CHAT: variants seen among roughly 807,000 people sequenced by gnomAD.
The protein encoded by CHAT is acetyl CoA:choline O-acetyltransferase.
A neutral mutation model predicts 76.9 loss-of-function variants in CHAT; 61 were observed. That is an observed-to-expected ratio of 0.79 (90% CI 0.65 to 0.98). The LOEUF is 0.98. CHAT is among the 50% of genes least tolerant of loss of function. CHAT has a pLI of 0.00. For missense variants in CHAT, 946 were observed against 986.9 expected (o/e 0.96, Z 0.56); for synonymous variants, 407 against 397.4 (o/e 1.02, Z -0.29).
At chr10:49,619,312 T>C (rs1023074431) in intron 2 of CHAT, among the ~76,000 whole-genome samples, 2 of 152,228 alleles carry the variant, frequency 1.3e-5, no homozygotes, top group African/African-American at 4.8e-5. Flanking sequence ...CCATCCTTTA[T>C]GGCTTAAAAG....
chr10:49,655,236 A>T lies in CHAT; in HGVS notation c.1776A>T (p.Pro592=). The change falls in exon 12 of 15, where the codon CCA becomes CCT. Residue 592 remains proline (P), a splice_region_variant and synonymous_variant. Coordinates refer to ENST00000337653, the MANE Select transcript of CHAT (RefSeq NM_020549.5). ...TGACTGACCACAAGGCTGCTGTGCC[A>T]GTAAGTCCCGCCCCACCCCACGGCC... ...RAVTDHKAAV[P]ASEKLLLLKD... is the part of the protein sequence containing the mutation. 1 of 1,614,006 alleles carries T rather than the reference A, an allele frequency of 6.2e-7. No homozygotes were observed. The highest frequency in any genetic ancestry group is 8.5e-7 in the Non-Finnish European group (1 of 1,180,036).
intron 7 of CHAT, among the ~76,000 whole-genome samples, chr10:49,634,919 G>A (rs977290117): frequency 6.6e-6 from 1 of 152,156 alleles, no homozygotes; most frequent in Non-Finnish European, 1.5e-5. Context: ...ACATCCAGTT[G>A]TAAGAAGTAA....
At chr10:49,647,038 T>A (rs1564488247) in intron 8 of CHAT, 1 of 345,726 alleles carries the variant, frequency 2.9e-6, no homozygotes, top group African/African-American at 2.1e-5. Context: ...TAGGAGAGTA[T>A]AACAGCCCCA....
intron 6 of CHAT, among the ~76,000 whole-genome samples, chr10:49,626,821 A>G (rs1018210849): frequency 1.9e-4 from 29 of 152,242 alleles, no homozygotes; most frequent in African/African-American, 6.8e-4. Context: ...CACAAAGCCC[A>G]AGGCTCTAGC....
At chr10:49,659,881 A>C (rs1024065092) in intron 13 of CHAT, among the ~76,000 whole-genome samples, 4 of 152,134 alleles carry the variant, frequency 2.6e-5, no homozygotes, top group African/African-American at 9.7e-5. Flanking sequence ...TAAATAAATA[A>C]ATAAAATAGA....
chr10:49,642,331 A>G (rs1564485253), intron 7 of CHAT, among the ~76,000 whole-genome samples: 1 of 152,176 alleles, frequency 6.6e-6, no homozygotes, highest in Non-Finnish European at 1.5e-5. Context: ...CTGATCAGCT[A>G]CTTATATGCA....
intron 14 of CHAT, 73 bp downstream of exon 14, chr10:49,662,855 C>T: frequency 6.3e-7 from 1 of 1,585,230 alleles, no homozygotes; most frequent in Non-Finnish European, 8.7e-7. Flanking sequence ...GACAACAAGC[C>T]CACTAGCTGG....
At chr10:49,611,482 C>T, upstream of CHAT, 3 of 1,599,694 alleles carry the variant, frequency 1.9e-6, no homozygotes, top group Non-Finnish European at 2.5e-6. Context: ...CTTCTTGGTG[C>T]TAGCTGCCGT....
chr10:49,658,711 A>AAAAC (rs1289293113), intron 13 of CHAT, among the ~76,000 whole-genome samples: 5 of 152,244 alleles, frequency 3.3e-5, no homozygotes, highest in East Asian at 1.9e-4. Context: ...TCCTTCTCAA[A>AAAAC]AAACAAACAA....
chr10:49,665,789 C>T lies in CHAT; in HGVS notation c.*743C>T, dbSNP rs1453496770. 6.6e-6 allele frequency among the ~76,000 whole-genome samples: 1 copy of T among 152,118 alleles called. No homozygotes were observed. Among genetic ancestry groups the T allele is most frequent in the Non-Finnish European group, 1.5e-5 (1 of 68,024 alleles). On this transcript the variant is annotated 3_prime_UTR_variant, in exon 15 of 15. Coordinates refer to ENST00000337653, the MANE Select transcript of CHAT (RefSeq NM_020549.5). ...TTGCTGCCACTCTCTGCTTAGCAGG[C>T]GGCATCAGGGCCAGTCCAAGATGAG...
upstream of CHAT, chr10:49,612,324 C>T (rs77758906): frequency 0.019 from 30,714 of 1,592,442 alleles, 341 homozygotes; most frequent in Non-Finnish European, 0.023. Context: ...ACAACTACTA[C>T]TACACCCGCA....
At position 49,614,175 on chromosome 10, in the gene CHAT, G is replaced by A; in HGVS notation, c.-15G>A. The A allele has an allele frequency of 2.6e-6, 4 of 1,544,934 alleles. No individual in the cohort carries two copies. The highest frequency in any genetic ancestry group is 3.5e-6 in the Non-Finnish European group (4 of 1,145,220). ...GCCGGGAGCTGAGATCCCTGGGCGG[G>A]GAGCTGGGGAAGGGATGGGGCTGAG... On this transcript the variant is annotated 5_prime_UTR_variant, in exon 1 of 15. Transcript: ENST00000337653.
rs1394124324 is a variant in CHAT, at chr10:49,634,025, A to G, written c.1111+6240A>G. On this transcript the variant is annotated intron_variant, in intron 7 of 14. Coordinates refer to ENST00000337653, the MANE Select transcript of CHAT (RefSeq NM_020549.5). ...CTGCTGATTTTAAAACCAATTACAC[A>G]TTAGCACTAACAGCCTCTCTGATTT... Among the ~76,000 whole-genome samples, 7 of 152,294 alleles carry G rather than the reference A, an allele frequency of 4.6e-5. No individual in the cohort carries two copies. In the East Asian group the frequency reaches 5.8e-4, roughly 13 times the overall value.
chr10:49,616,343 T>A (rs544706019), intron 1 of CHAT, among the ~76,000 whole-genome samples, 159 bp from the exon 2 acceptor site: 1 of 152,052 alleles, frequency 6.6e-6, no homozygotes, highest in Admixed American at 6.6e-5. Flanking sequence ...CAGGTGGAAG[T>A]AGAGACTGGG....
chr10:49,625,394 C>T lies in CHAT; in HGVS notation c.753-79C>T, dbSNP rs1409230225. On this transcript the variant is annotated intron_variant, in intron 5 of 14. Coordinates refer to ENST00000337653, the MANE Select transcript of CHAT (RefSeq NM_020549.5). ...TGCCCCATTTTGCCTGATCAAGTTA[C>T]AATAAAACCCATTCTCTGTCTCCCC... is the stretch of plus-strand genomic sequence containing the variant. 2.4e-5 allele frequency: 34 copies of T among 1,388,022 alleles called. No individual in the cohort carries two copies. In the East Asian group the frequency reaches 8.0e-4, roughly 33 times the overall value. The allele number at this position is 1,388,022 out of a possible 1,614,324, so 86.0% of individuals were successfully genotyped here.
At chr10:49,616,057 G>T (rs376040545) in intron 1 of CHAT, 172 of 1,613,832 alleles carry the variant, frequency 1.1e-4, no homozygotes, top group Non-Finnish European at 1.2e-4. Context: ...CCAGAGATGT[G>T]GCCGGAATGC....
At chr10:49,620,647 G>A in intron 4 of CHAT, 34 bp downstream of exon 4, 1 of 1,544,040 alleles carries the variant, frequency 6.5e-7, no homozygotes, top group African/African-American at 1.4e-5. Flanking sequence ...CATAACCTGG[G>A]GACCCACCCA....
intron 13 of CHAT, among the ~76,000 whole-genome samples, chr10:49,656,859 G>C (rs1474421104): frequency 6.6e-6 from 1 of 152,108 alleles, no homozygotes; most frequent in African/African-American, 2.4e-5. Context: ...GTAGGACAGG[G>C]GCAGGGTGAA....
At chr10:49,664,743 G>C (rs1271716337) in intron 14 of CHAT, 34 bp from the exon 15 acceptor site, 9 of 1,613,982 alleles carry the variant, frequency 5.6e-6, no homozygotes, top group Non-Finnish European at 7.6e-6. Flanking sequence ...CTGCATTCCA[G>C]AACAAGCAGC....
Sources: gnomAD v4.1 joint callset for allele counts (sites outside exome capture counted in the v4.1 genomes callset) on GRCh38, gnomAD v4.1.1 for gene constraint, MANE v1.5 for transcripts, NCBI Gene and HGNC (gene_info 2026-07-23, HGNC 2026-07-21) for gene names.